FSD1: variants seen among roughly 807,000 people sequenced by gnomAD.
FSD1 encodes fibronectin type III and SPRY domain containing 1, also known as fibronectin type III and SPRY domain-containing protein 1.
Under a neutral mutation model 58.2 loss-of-function variants are expected in FSD1, and 23 were observed. The observed-to-expected ratio is 0.40, with a 90% CI of 0.28 to 0.56. FSD1 has a LOEUF of 0.56. FSD1 is among the 20% of genes least tolerant of loss of function. The probability of loss-of-function intolerance (pLI) is 0.54; values close to 1 mark genes in which losing one functional copy is unlikely to be tolerated. For missense variants in FSD1, 563 were observed against 670.8 expected, an observed-to-expected ratio of 0.84 and a Z score of 1.78; for synonymous variants, 265 against 263.4, an observed-to-expected ratio of 1.01 and a Z score of -0.06.
chr19:4,307,954 C>G lies in FSD1; in HGVS notation c.316C>G (p.Gln106Glu). The G allele has an allele frequency of 6.2e-7, 1 of 1,613,866 alleles. No individual in the cohort carries two copies. Among genetic ancestry groups the G allele is most frequent in the Admixed American group, 1.7e-5 (1 of 59,990 alleles). The change falls in exon 4 of 13, where the codon CAG becomes GAG. Residue 106 changes from glutamine (Q) to glutamate (E), a missense_variant. Physicochemically the swap from Gln to Glu is conservative, Grantham distance 29 (BLOSUM62 2). Coordinates refer to ENST00000221856, the MANE Select transcript of FSD1 (RefSeq NM_024333.3). ...ELLETANQTL[Q>E]AMDSEDFPQA... Reference sequence around the variant, plus strand: ...TCTGGAGACAGCCAACCAGACTCTGCAGGCCATGGACAGCGAGGACTTTCC... The same window carrying G: ...TCTGGAGACAGCCAACCAGACTCTGGAGGCCATGGACAGCGAGGACTTTCC...
At chr19:4,305,885 T>C (rs1015715611) in intron 1 of FSD1, 61 bp from the exon 2 acceptor site, 1 of 1,220,008 alleles carries the variant, frequency 8.2e-7, no homozygotes, top group African/African-American at 1.5e-5. Context: ...TACACGTGTG[T>C]GTACCTGTGT....
At chr19:4,317,305 A>G in intron 8 of FSD1, 25 bp downstream of exon 8, 3 of 1,333,934 alleles carry the variant, frequency 2.2e-6, no homozygotes, top group Non-Finnish European at 3.2e-6. Flanking sequence ...CCCTTGTCCT[A>G]CCCCTAACTC....
intron 3 of FSD1, 103 bp downstream of exon 3, chr19:4,306,432 G>C (rs1364141760): frequency 9.3e-6 from 11 of 1,188,018 alleles, no homozygotes; most frequent in Non-Finnish European, 1.1e-5. Context: ...TCGAGTTTCT[G>C]ATCTCTCCCC....
Position 4,304,616 on chromosome 19 carries a change from G to T in FSD1, c.-131G>T. ...CGCCTGCGCAATGCGCGCGGTGATGGAGCGCTAACCGGGGGCGCGGCGGCG... is the reference window on the plus strand; with the variant it reads ...CGCCTGCGCAATGCGCGCGGTGATGTAGCGCTAACCGGGGGCGCGGCGGCG... On this transcript the variant is annotated 5_prime_UTR_variant, in exon 1 of 13. The change creates a premature stop within an existing upstream ORF in the 5' untranslated region. Transcript: ENST00000221856. 2.1e-6 allele frequency: 1 copy of T among 473,144 alleles called. No homozygotes were observed. The highest frequency in any genetic ancestry group is 1.0e-4 in the South Asian group (1 of 9,692). The allele number at this position is 473,144 out of a possible 1,614,324, so 29.3% of individuals were successfully genotyped here.
In FSD1 at chr19:4,318,491, C is replaced by A; in HGVS notation, c.945C>A (p.Ile315=). The change falls in exon 9 of 13, where the codon ATC becomes ATA. Residue 315 remains isoleucine, a synonymous_variant. Coordinates refer to ENST00000221856, the MANE Select transcript of FSD1 (RefSeq NM_024333.3). ...KDGKGRTASP[I]NSPARGTPSP... is the part of the protein sequence containing the mutation. ...GCAAGGGGCGGACGGCGTCTCCCAT[C>A]AACTCCCCAGCCAGGTAGCCTGCCC... is the stretch of plus-strand genomic sequence containing the variant. 6.2e-7 allele frequency: 1 copy of A among 1,609,202 alleles called. No individual in the cohort carries two copies.
chr19:4,306,105 T>G, intron 2 of FSD1, 64 bp downstream of exon 2: 1 of 1,606,430 alleles, frequency 6.2e-7, no homozygotes. Flanking sequence ...GGTGCAGCCT[T>G]AGGAACTGGC....
chr19:4,306,094 G>A (rs1244125242), intron 2 of FSD1, 53 bp downstream of exon 2: 6 of 1,604,968 alleles, frequency 3.7e-6, no homozygotes, highest in Non-Finnish European at 5.1e-6. Flanking sequence ...GGAAGCTGGA[G>A]GGTGCAGCCT....
chr19:4,308,370 T>A (rs765879536), intron 4 of FSD1, among the ~76,000 whole-genome samples: 5 of 151,906 alleles, frequency 3.3e-5, no homozygotes, highest in Admixed American at 6.6e-5. Context: ...ATTGTGTCAC[T>A]GCATTCCAGA....
intron 1 of FSD1, among the ~76,000 whole-genome samples, chr19:4,305,135 C>T (rs1020748372): frequency 6.8e-6 from 1 of 147,792 alleles, no homozygotes; most frequent in African/African-American, 2.5e-5. Flanking sequence ...GACCCTGCCC[C>T]AGGAAAAAGG....
At chr19:4,317,000 G>C (rs981841962) in intron 7 of FSD1, among the ~76,000 whole-genome samples, 182 bp from the exon 8 acceptor site, 3 of 152,044 alleles carry the variant, frequency 2.0e-5, no homozygotes, top group Non-Finnish European at 2.9e-5. Context: ...TGATCCATGC[G>C]CCTCGGCCTT....
Position 4,306,047 on chromosome 19 carries a change from G to A in FSD1, c.111+6G>A, listed in dbSNP as rs759405436. ...AGATGCTGCTGAACGTGGAGGTGAA[G>A]GCGGTGGGGCAGTCCTGGGGAGGTA... On this transcript the variant is annotated splice_donor_region_variant and intron_variant, in intron 2 of 12. Coordinates refer to ENST00000221856, the MANE Select transcript of FSD1 (RefSeq NM_024333.3). 9.9e-6 allele frequency: 16 copies of A among 1,613,166 alleles called. No homozygotes were observed. Among genetic ancestry groups the A allele is most frequent in the Admixed American group, 6.7e-5 (4 of 60,002 alleles).
At chr19:4,320,391 G>A (rs553575991) in intron 10 of FSD1, among the ~76,000 whole-genome samples, 5 of 152,190 alleles carry the variant, frequency 3.3e-5, no homozygotes, top group East Asian at 1.9e-4. Flanking sequence ...ATCTGGACTC[G>A]AGGAGGACTT....
intron 7 of FSD1, among the ~76,000 whole-genome samples, 200 bp from the exon 8 acceptor site, chr19:4,316,982 A>G (rs1971761763): frequency 2.6e-5 from 4 of 152,032 alleles, no homozygotes; most frequent in Admixed American, 2.6e-4. Context: ...CGAACTCCCA[A>G]CCTCAGTTGA....
chr19:4,312,142 A>AT, intron 7 of FSD1, 91 bp downstream of exon 7: 3 of 1,163,914 alleles, frequency 2.6e-6, no homozygotes, highest in Non-Finnish European at 3.7e-6. Context: ...GGCCTTGGGG[A>AT]CGATCCCCAA....
intron 7 of FSD1, 124 bp from the exon 8 acceptor site, chr19:4,317,058 A>C (rs1440566714): frequency 8.9e-6 from 6 of 672,332 alleles, no homozygotes; most frequent in Non-Finnish European, 1.4e-5. Context: ...CGGCTGGATA[A>C]GATGTTTATA....
At chr19:4,305,890 CTG>C (rs1186918542) in intron 1 of FSD1, 54 bp from the exon 2 acceptor site, 29 of 1,267,668 alleles carry the variant, frequency 2.3e-5, no homozygotes, top group Admixed American at 1.5e-4. Flanking sequence ...GTGTGTGTAC[CTG>C]TGTGCGCACA....
chr19:4,308,662 C>T (rs1051449518), intron 4 of FSD1, among the ~76,000 whole-genome samples: 2 of 152,074 alleles, frequency 1.3e-5, no homozygotes, highest in South Asian at 2.1e-4. Flanking sequence ...TCAAGACCAT[C>T]CTAACACAGT....
chr19:4,323,038 G>C lies in FSD1; in HGVS notation c.1092G>C (p.Pro364=), dbSNP rs761082727. The change falls in exon 11 of 13, where the codon CCG becomes CCC. Residue 364 remains proline (P), a synonymous_variant. Transcript: ENST00000221856. The surrounding 1 kb of genome is among the most constrained non-coding windows in gnomAD (Gnocchi z 7.7). ...ATTACTGGGAGGTGCGCTACGAGCC[G>C]GACAGCAAGGCGTTCGGCGTGGGCG... ...GEHYWEVRYE[P]DSKAFGVGVA... is the part of the protein sequence containing the mutation. 6.2e-7 allele frequency: 1 copy of C among 1,612,064 alleles called. No homozygotes were observed. The highest frequency in any genetic ancestry group is 1.1e-5 in the South Asian group (1 of 90,992).
rs542621466 is a variant in FSD1 at position 4,317,053 on chromosome 19, GGATAA to G, written c.701-125_701-121del. 6.7e-4 allele frequency: 439 copies of G among 655,478 alleles called. 2 individuals are homozygous for G. In the African/African-American group the frequency reaches 7.1e-3, roughly 11 times the overall value. 40.6% of individuals were successfully genotyped at this position (655,478 alleles called of 1,614,324 possible). On this transcript the variant is annotated intron_variant, in intron 7 of 12. Coordinates refer to ENST00000221856, the MANE Select transcript of FSD1 (RefSeq NM_024333.3). ...CAGGCGTGAGCCAGTGCGCCCGGCT[GGATAA>G]GATGTTTATAAGGTGGTTCTTAGAA...
Sources: allele counts gnomAD v4.1 joint callset (sites outside exome capture counted in the v4.1 genomes callset), GRCh38; gene constraint gnomAD v4.1.1; non-coding constraint Gnocchi (gnomAD v3.1); transcripts MANE v1.5; gene names NCBI Gene and HGNC (gene_info 2026-07-23, HGNC 2026-07-21).